HERC1: variants seen among roughly 807,000 people sequenced by gnomAD.
The protein encoded by HERC1 is HECT and RLD domain containing E3 ubiquitin protein ligase family member 1.
Under a neutral mutation model 554.3 loss-of-function variants are expected in HERC1, and 160 were observed. That is an observed-to-expected ratio of 0.29 (90% CI 0.25 to 0.33). HERC1 has a LOEUF of 0.33. Among genes scored for constraint, HERC1 ranks in the 10% least tolerant of loss-of-function variants. The pLI, the probability that HERC1 is intolerant of heterozygous loss-of-function variation, is 1.00. For synonymous variants in HERC1, 2,175 were observed against 2,131.7 expected (o/e 1.02, Z -0.56); for missense variants, 4,919 against 5,918.5 (o/e 0.83, Z 5.54).
At chr15:63,624,101 T>C in intron 72 of HERC1, 57 bp downstream of exon 72, 11 of 1,469,250 alleles carry the variant, frequency 7.5e-6, no homozygotes, top group South Asian at 3.8e-5. Flanking sequence ...AAATTAGTAA[T>C]AACATCCATC....
chr15:63,647,208 C>T lies in HERC1; in HGVS notation c.10878+861G>A, dbSNP rs967954191. Among the ~76,000 whole-genome samples the T allele has an allele frequency of 6.6e-5, 10 of 151,584 alleles. No homozygotes were observed. The South Asian group carries it at 8.3e-4, about 13-fold the overall frequency. On this transcript the variant is annotated intron_variant, in intron 55 of 77. Transcript: ENST00000443617. ...GTTGGAAATTGCAGTGAGCCAAGAT[C>T]GCGCCACTGCACTCCAGCCTGGGCG...
intron 17 of HERC1, among the ~76,000 whole-genome samples, chr15:63,726,349 A>AG (rs1485824099): frequency 6.6e-6 from 1 of 152,238 alleles, no homozygotes; most frequent in Non-Finnish European, 1.5e-5. Flanking sequence ...GACAGCTATA[A>AG]GGAACACATA....
At chr15:63,700,560 T>A (rs1464094894) in intron 25 of HERC1, among the ~76,000 whole-genome samples, 2 of 152,026 alleles carry the variant, frequency 1.3e-5, no homozygotes, top group Non-Finnish European at 2.9e-5. Context: ...TATGAAATAA[T>A]TTATATGTAT....
At chr15:63,690,390 G>T in intron 32 of HERC1, 151 bp downstream of exon 32, 1 of 546,114 alleles carries the variant, frequency 1.8e-6, no homozygotes, top group East Asian at 3.1e-5. Context: ...TCTCCTTGGG[G>T]GTGAAATAAT....
At chr15:63,723,535 T>C (rs540953407) in intron 18 of HERC1, among the ~76,000 whole-genome samples, 180 bp from the exon 19 acceptor site, 3 of 152,238 alleles carry the variant, frequency 2.0e-5, no homozygotes, top group Middle Eastern at 6.8e-3. Flanking sequence ...CCTTTTACAT[T>C]CTCCAAAAGG....
Position 63,735,503 on chromosome 15 carries a change from C to T in HERC1, c.2521-654G>A, listed in dbSNP as rs1003989947. On this transcript the variant is annotated intron_variant, in intron 12 of 77. Transcript: ENST00000443617. ...GGCACATGTATACATATGTAACTAA[C>T]GTGCACATTGTGCACATGTACCCTA... Among the ~76,000 whole-genome samples the T allele has an allele frequency of 1.1e-4, 16 of 149,982 alleles. 1 individual carries two copies. The highest frequency in any genetic ancestry group is 2.5e-4 in the African/African-American group (10 of 40,486).
At chr15:63,693,843 A>G (rs1235693967) in intron 30 of HERC1, 121 bp downstream of exon 30, 2 of 1,032,650 alleles carry the variant, frequency 1.9e-6, no homozygotes, top group Non-Finnish European at 2.8e-6. Flanking sequence ...GTTTGTAAAT[A>G]AACAAATAAA....
chr15:63,800,793 G>A (rs1431097279), intron 1 of HERC1, among the ~76,000 whole-genome samples: 3 of 152,166 alleles, frequency 2.0e-5, no homozygotes, highest in Admixed American at 2.0e-4. Flanking sequence ...TTCGTAACAA[G>A]CCCCTTTCAA....
chr15:63,774,644 C>G, intron 2 of HERC1, 50 bp downstream of exon 2: 1 of 1,408,264 alleles, frequency 7.1e-7, no homozygotes, highest in Non-Finnish European at 9.6e-7. Context: ...ACTGCATTGA[C>G]TTTTCCAAAA....
intron 65 of HERC1, among the ~76,000 whole-genome samples, chr15:63,635,312 G>T (rs1020427912): frequency 6.6e-6 from 1 of 152,150 alleles, no homozygotes. Context: ...GCCTCCCAAA[G>T]TGTTAGGATT....
Position 63,734,905 on chromosome 15 carries a change from AAC to A in HERC1, c.2521-58_2521-57del. 2 of 1,492,366 alleles carry A rather than the reference AAC, an allele frequency of 1.3e-6. No individual in the cohort carries two copies. The highest frequency in any genetic ancestry group is 1.2e-5 in the South Asian group (1 of 81,368). 92.4% of individuals were successfully genotyped at this position (1,492,366 alleles called of 1,614,324 possible). The stretch of plus-strand genomic sequence containing the variant: ...GGCCTGGTTCTTAGTTTTTAATAAA[AAC>A]ACACTTAAAGCGAACTCACTGACTA... On this transcript the variant is annotated intron_variant, in intron 12 of 77. Transcript: ENST00000443617. This position sits in a 1 kb window ranked among gnomAD's most constrained non-coding sequence, Gnocchi z 4.6.
intron 30 of HERC1, among the ~76,000 whole-genome samples, chr15:63,693,535 C>A (rs974065033): frequency 6.6e-6 from 1 of 152,110 alleles, no homozygotes; most frequent in Admixed American, 6.5e-5. Context: ...TGAGCCACTG[C>A]GCCTGGCCTG....
intron 74 of HERC1, among the ~76,000 whole-genome samples, chr15:63,622,308 G>C (rs1013118403): frequency 6.8e-6 from 1 of 147,782 alleles, no homozygotes; most frequent in African/African-American, 2.5e-5. Context: ...ACCAAGTCTT[G>C]ATGGAAGTGC....
chr15:63,654,113 A>G lies in HERC1; in HGVS notation c.10290+6T>C. The G allele has an allele frequency of 6.2e-7, 1 of 1,604,416 alleles. No individual in the cohort carries two copies. Among genetic ancestry groups the G allele is most frequent in the East Asian group, 2.2e-5 (1 of 44,844 alleles). ...GATTAACACACTTTCCACTCAAAAT[A>G]CTTACTCTGTTCTGATGAGCCTCCA... On this transcript the variant is annotated splice_donor_region_variant and intron_variant, in intron 51 of 77. Transcript: ENST00000443617.
At chr15:63,653,205 C>T (rs930787127) in intron 51 of HERC1, among the ~76,000 whole-genome samples, 2 of 152,084 alleles carry the variant, frequency 1.3e-5, no homozygotes, top group African/African-American at 2.4e-5. Context: ...CTGTGGGAGG[C>T]CAAGGCAGGC....
chr15:63,664,479 C>A lies in HERC1; in HGVS notation c.8671G>T (p.Ala2891Ser). ...KFDLAARTLLARAAGLYRSVQ... is the reference protein window; with the variant it reads ...KFDLAARTLLSRAAGLYRSVQ... ...CGGAACATAAAATTACCTGCTCTTG[C>A]TAGCAGTGTGCGAGCAGCTAAGTCA... Residue 2891 changes from alanine (A) to serine (S), a missense_variant, in exon 43 of 78, where the codon GCA (alanine) becomes TCA (serine). This residue lies in a region of HERC1 where 1,963 missense variants were observed against 2,228.6 expected (regional missense o/e 0.88). Coordinates refer to ENST00000443617, the MANE Select transcript of HERC1 (RefSeq NM_003922.4). 3.1e-6 allele frequency: 5 copies of A among 1,613,232 alleles called. No individual in the cohort carries two copies. Among genetic ancestry groups the A allele is most frequent in the Non-Finnish European group, 4.2e-6 (5 of 1,179,388 alleles).
Position 63,674,495 on chromosome 15 carries a change from A to T in HERC1, c.7693T>A (p.Phe2565Ile). 6.2e-7 allele frequency: 1 copy of T among 1,613,902 alleles called. No individual in the cohort carries two copies. Among genetic ancestry groups the T allele is most frequent in the Non-Finnish European group, 8.5e-7 (1 of 1,179,846 alleles). The part of the protein sequence containing the change: ...EDVEMRAALQ[F>I]LMRHMVKRAV... ...CGCTTCACCATGTGTCGCATCAAGAACTGCAGGGCTGCTCGCATCTCCACG... is the reference window on the plus strand; with the variant it reads ...CGCTTCACCATGTGTCGCATCAAGATCTGCAGGGCTGCTCGCATCTCCACG... Residue 2565 changes from phenylalanine to isoleucine, a missense_variant, in exon 38 of 78, where the codon TTC (phenylalanine) becomes ATC (isoleucine). By Grantham distance (21) the Phe-to-Ile change is conservative. Transcript: ENST00000443617.
At chr15:63,619,142 T>C (rs2067955578) in intron 74 of HERC1, among the ~76,000 whole-genome samples, 1 of 152,214 alleles carries the variant, frequency 6.6e-6, no homozygotes, top group South Asian at 2.1e-4. Flanking sequence ...TTATCATAGA[T>C]AGCTCTTACT....
At position 63,737,391 on chromosome 15, in the gene HERC1, G is replaced by A. The variant is rs376342493; in HGVS notation, c.2521-2542C>T. ...TTTTCCAGATATATATATATATATCGTTTTTCCAGATATATATATATATAT... is the reference window on the plus strand; with the variant it reads ...TTTTCCAGATATATATATATATATCATTTTTCCAGATATATATATATATAT... On this transcript the variant is annotated intron_variant, in intron 12 of 77. Transcript: ENST00000443617. Among the ~76,000 whole-genome samples, 319 of 55,918 alleles carry A rather than the reference G, an allele frequency of 5.7e-3. 4 individuals are homozygous for A. The highest frequency in any genetic ancestry group is 0.01 in the Non-Finnish European group (260 of 25,908). 36.7% of individuals were successfully genotyped at this position (55,918 alleles called of 152,430 possible). A position where few individuals can be genotyped will look rare whatever the true frequency, so the allele number is the denominator to read the frequency against.
Sources: allele counts gnomAD v4.1 joint callset (sites outside exome capture counted in the v4.1 genomes callset), GRCh38; gene constraint gnomAD v4.1.1; regional missense constraint gnomAD v4.1.1; non-coding constraint Gnocchi (gnomAD v3.1); transcripts MANE v1.5; gene names NCBI Gene and HGNC (gene_info 2026-07-23, HGNC 2026-07-21).